The following LINGO2 variants were observed in gnomAD, a reference collection of about 807,000 sequenced individuals.
LINGO2 encodes the protein leucine rich repeat and Ig domain containing 2, also known as leucine-rich repeat and immunoglobulin-like domain-containing nogo receptor-interacting protein 2.
A neutral mutation model predicts 30.6 loss-of-function variants in LINGO2; 14 were observed. The observed-to-expected ratio is 0.46, with a 90% CI of 0.30 to 0.72. LINGO2 has a LOEUF of 0.72. Among genes scored for constraint, LINGO2 ranks in the 30% least tolerant of loss-of-function variants. LINGO2 has a pLI of 0.07. For synonymous variants in LINGO2, 317 were observed against 288.5 expected (o/e 1.10, Z -1.00); for missense variants, 729 against 751.7 (o/e 0.97, Z 0.35).
the LINGO2 span, among the ~76,000 whole-genome samples, chr9:29,091,315 A>T: frequency 6.6e-6 from 1 of 152,058 alleles, no homozygotes; most frequent in Admixed American, 6.6e-5. Context: ...GAATCTCCCC[A>T]TGTTTAGATT....
At chr9:29,165,810 C>T in the LINGO2 span, among the ~76,000 whole-genome samples, 2 of 151,986 alleles carry the variant, frequency 1.3e-5, no homozygotes, top group Admixed American at 1.3e-4. Context: ...AAGGAAAAAG[C>T]CAGTTTCTCA....
the LINGO2 span, among the ~76,000 whole-genome samples, chr9:28,843,955 A>C: frequency 6.6e-6 from 1 of 151,840 alleles, no homozygotes; most frequent in Admixed American, 6.6e-5. Flanking sequence ...AATGGAGTTA[A>C]TTATCTATCT....
At chr9:29,011,980 T>C in the LINGO2 span, among the ~76,000 whole-genome samples, 1 of 152,154 alleles carries the variant, frequency 6.6e-6, no homozygotes, top group Admixed American at 6.6e-5. Flanking sequence ...GTAATGACAA[T>C]ATTAATTCAC....
At chr9:28,922,971 A>T in the LINGO2 span, among the ~76,000 whole-genome samples, 1 of 152,196 alleles carries the variant, frequency 6.6e-6, no homozygotes, top group African/African-American at 2.4e-5. Context: ...TAACCATTAA[A>T]GATGAATACA....
At chr9:28,699,973 T>C in the LINGO2 span, among the ~76,000 whole-genome samples, 2 of 152,074 alleles carry the variant, frequency 1.3e-5, no homozygotes, top group African/African-American at 4.8e-5. Context: ...TATAGACCCT[T>C]ATCAGGAGTT....
chr9:28,797,260 C>G, the LINGO2 span, among the ~76,000 whole-genome samples: 1 of 147,818 alleles, frequency 6.8e-6, no homozygotes, highest in Non-Finnish European at 1.5e-5. Context: ...ACTTTATCCT[C>G]AAAGAATTCA....
At chr9:29,069,375 T>G in the LINGO2 span, among the ~76,000 whole-genome samples, 1 of 151,930 alleles carries the variant, frequency 6.6e-6, no homozygotes, top group African/African-American at 2.4e-5. Context: ...TAATGTATCC[T>G]AGGTCTGAAA....
At chr9:28,456,071 AT>A (rs1309151148) in intron 2 of LINGO2, among the ~76,000 whole-genome samples, 2 of 152,018 alleles carry the variant, frequency 1.3e-5, no homozygotes, top group Non-Finnish European at 2.9e-5. Context: ...AATAACTAAC[AT>A]TTTTTAACCT....
the LINGO2 span, among the ~76,000 whole-genome samples, chr9:29,144,120 G>C: frequency 2.6e-5 from 4 of 152,046 alleles, no homozygotes; most frequent in South Asian, 4.1e-4. Context: ...CTGTTCCATC[G>C]GTTTATGTGT....
the LINGO2 span, among the ~76,000 whole-genome samples, chr9:28,927,795 G>A: frequency 6.6e-6 from 1 of 152,108 alleles, no homozygotes; most frequent in East Asian, 1.9e-4. Context: ...ACAACTCTAT[G>A]AGGCCAGTGC....
intron 4 of LINGO2, among the ~76,000 whole-genome samples, chr9:28,046,075 G>A (rs1824408803): frequency 6.6e-6 from 1 of 152,052 alleles, no homozygotes; most frequent in African/African-American, 2.4e-5. Context: ...ATCCGTTTTT[G>A]GGATACCTGA....
chr9:28,305,937 A>G (rs1031864715), intron 3 of LINGO2, among the ~76,000 whole-genome samples: 19 of 152,088 alleles, frequency 1.2e-4, no homozygotes, highest in Admixed American at 3.3e-4. Context: ...TTGAGAATTT[A>G]AAAGATCTCT....
the LINGO2 span, among the ~76,000 whole-genome samples, chr9:28,873,231 G>A: frequency 1.9e-3 from 285 of 151,804 alleles, 1 homozygote; most frequent in African/African-American, 6.3e-3. Flanking sequence ...TTAGTCAGGA[G>A]TGGTGGCGGG....
chr9:28,881,922 T>C, the LINGO2 span, among the ~76,000 whole-genome samples: 4 of 152,236 alleles, frequency 2.6e-5, no homozygotes, highest in African/African-American at 9.6e-5. Context: ...AAAACCTTTT[T>C]CTTATGTTAA....
At chr9:28,717,755 TA>T in the LINGO2 span, among the ~76,000 whole-genome samples, 1 of 152,122 alleles carries the variant, frequency 6.6e-6, no homozygotes, top group South Asian at 2.1e-4. Flanking sequence ...TCAGTGTTTT[TA>T]TATGACTCCT....
intron 4 of LINGO2, among the ~76,000 whole-genome samples, chr9:28,018,936 T>TA (rs1332286895): frequency 1.3e-5 from 2 of 152,198 alleles, no homozygotes; most frequent in African/African-American, 4.8e-5. Context: ...CACTATGGGA[T>TA]ACTATGTAGC....
chr9:28,965,732 T>C, the LINGO2 span, among the ~76,000 whole-genome samples: 1 of 152,094 alleles, frequency 6.6e-6, no homozygotes, highest in African/African-American at 2.4e-5. Flanking sequence ...AAACTATCTT[T>C]AATCTTTATG....
the LINGO2 span, among the ~76,000 whole-genome samples, chr9:29,073,690 T>C: frequency 6.6e-6 from 1 of 152,122 alleles, no homozygotes; most frequent in Non-Finnish European, 1.5e-5. Flanking sequence ...AATACTACTG[T>C]CCAGTCTTTT....
intron 1 of LINGO2, among the ~76,000 whole-genome samples, chr9:28,617,692 T>C (rs1350137455): frequency 6.6e-6 from 1 of 152,150 alleles, no homozygotes; most frequent in African/African-American, 2.4e-5. Flanking sequence ...ATTTTCACAC[T>C]GAAAGGACAA....
Sources: gnomAD v4.1 joint callset for allele counts (sites outside exome capture counted in the v4.1 genomes callset) on GRCh38, gnomAD v4.1.1 for gene constraint, MANE v1.5 for transcripts, NCBI Gene and HGNC (gene_info 2026-07-23, HGNC 2026-07-21) for gene names.